Variants in CRPPA observed in about 807,000 individuals in gnomAD.
The protein encoded by CRPPA is D-ribitol-5-phosphate cytidylyltransferase.
A neutral mutation model predicts 52.0 loss-of-function variants in CRPPA; 43 were observed. The observed-to-expected ratio is 0.83, with a 90% CI of 0.65 to 1.07. CRPPA has a LOEUF of 1.07. Among genes scored for constraint, CRPPA ranks in the 50% least tolerant of loss-of-function variants. The pLI, the probability that CRPPA is intolerant of heterozygous loss-of-function variation, is 0.00. For synonymous variants in CRPPA, 250 were observed against 203.5 expected (o/e 1.23, Z -1.94); for missense variants, 629 against 551.7 (o/e 1.14, Z -1.40).
intron 8 of CRPPA, among the ~76,000 whole-genome samples, chr7:16,229,408 T>C (rs1001090763): frequency 1.4e-4 from 21 of 152,186 alleles, no homozygotes; most frequent in African/African-American, 5.1e-4. Flanking sequence ...TGTTATGTTT[T>C]TAATTTCTTG....
intron 1 of CRPPA, among the ~76,000 whole-genome samples, chr7:16,410,540 G>A (rs1426275797): frequency 1.3e-5 from 2 of 152,140 alleles, no homozygotes; most frequent in East Asian, 3.9e-4. Flanking sequence ...CCCCTCAGCT[G>A]TTTCCTCTTA....
intron 3 of CRPPA, among the ~76,000 whole-genome samples, chr7:16,361,247 G>T (rs891478164): frequency 6.6e-6 from 1 of 152,020 alleles, no homozygotes; most frequent in African/African-American, 2.4e-5. Flanking sequence ...TTGGAAACCC[G>T]TGTGAACTAC....
chr7:16,192,386 A>C (rs1781633643), intron 9 of CRPPA, among the ~76,000 whole-genome samples: 1 of 152,116 alleles, frequency 6.6e-6, no homozygotes, highest in Non-Finnish European at 1.5e-5. Flanking sequence ...TGCACAGATA[A>C]CATGCACAAT....
chr7:16,094,458 A>T (rs1781896207), intron 9 of CRPPA, among the ~76,000 whole-genome samples: 1 of 152,144 alleles, frequency 6.6e-6, no homozygotes, highest in Non-Finnish European at 1.5e-5. Context: ...AATGTATCTT[A>T]TAAAAGCACT....
intron 5 of CRPPA, among the ~76,000 whole-genome samples, chr7:16,281,194 C>T (rs73294882): frequency 0.043 from 6,511 of 152,158 alleles, 220 homozygotes; most frequent in East Asian, 0.15. Context: ...ACAAGCCTTC[C>T]AAATGAACAT....
At chr7:16,142,943 G>A (rs1171494058) in intron 9 of CRPPA, among the ~76,000 whole-genome samples, 1 of 152,080 alleles carries the variant, frequency 6.6e-6, no homozygotes, top group Non-Finnish European at 1.5e-5. Flanking sequence ...AATAAATCAA[G>A]AACAAAATAA....
At chr7:16,314,516 A>G (rs77854884) in intron 3 of CRPPA, among the ~76,000 whole-genome samples, 1 of 152,036 alleles carries the variant, frequency 6.6e-6, no homozygotes, top group African/African-American at 2.4e-5. Context: ...CCTCAACTGA[A>G]GTTTTTCCTT....
rs372182203 is a variant in CRPPA, at chr7:16,163,118, C to A, written c.1251+52948G>T. Among the ~76,000 whole-genome samples the A allele has an allele frequency of 4.0e-5, 6 of 151,798 alleles. No homozygotes were observed. In the South Asian group the frequency reaches 6.2e-4, roughly 16 times the overall value. ...CTTCCCAAGTAGCTGGGACTACAGG[C>A]GCCTGCCACCACACTCAGCTAATTT... On this transcript the variant is annotated intron_variant, in intron 9 of 9. Transcript: ENST00000407010.
intron 1 of CRPPA, among the ~76,000 whole-genome samples, chr7:16,416,213 G>T (rs896617872): frequency 6.6e-6 from 1 of 152,080 alleles, no homozygotes; most frequent in East Asian, 1.9e-4. Context: ...ACAGACCAAT[G>T]GAACAGAACA....
chr7:16,177,834 T>C (rs1464393049), intron 9 of CRPPA, among the ~76,000 whole-genome samples: 1 of 152,124 alleles, frequency 6.6e-6, no homozygotes, highest in Non-Finnish European at 1.5e-5. Flanking sequence ...TCTTCTTACA[T>C]AGGCCACCAA....
intron 2 of CRPPA, among the ~76,000 whole-genome samples, chr7:16,383,335 C>G (rs1787164179): frequency 6.6e-6 from 1 of 152,192 alleles, no homozygotes; most frequent in Admixed American, 6.5e-5. Flanking sequence ...ATGCTGCTGT[C>G]TGATCGTTCC....
chr7:16,284,341 A>C (rs914362162), intron 5 of CRPPA, among the ~76,000 whole-genome samples: 1 of 152,126 alleles, frequency 6.6e-6, no homozygotes, highest in Non-Finnish European at 1.5e-5. Context: ...TGTGTGTAAA[A>C]GACTACACTT....
chr7:16,419,451 A>G (rs1788275222), intron 1 of CRPPA, among the ~76,000 whole-genome samples: 1 of 152,158 alleles, frequency 6.6e-6, no homozygotes, highest in South Asian at 2.1e-4. Flanking sequence ...TCCCAAAAAG[A>G]CCCCTTTCTT....
intron 8 of CRPPA, among the ~76,000 whole-genome samples, chr7:16,242,234 T>C (rs1783136726): frequency 6.6e-6 from 1 of 151,998 alleles, no homozygotes; most frequent in South Asian, 2.1e-4. Context: ...GATTACAGGC[T>C]TGAGACACCG....
chr7:16,109,361 A>C (rs1053991981), intron 9 of CRPPA, among the ~76,000 whole-genome samples: 1 of 151,954 alleles, frequency 6.6e-6, no homozygotes, highest in East Asian at 1.9e-4. Flanking sequence ...TGAACCATGA[A>C]GAAACGGAAA....
At chr7:16,296,196 T>G (rs1423208758) in intron 5 of CRPPA, among the ~76,000 whole-genome samples, 1 of 152,160 alleles carries the variant, frequency 6.6e-6, no homozygotes, top group African/African-American at 2.4e-5. Context: ...TAAAATTACC[T>G]AAAAACATAA....
At chr7:16,177,343 G>C (rs1781323725) in intron 9 of CRPPA, among the ~76,000 whole-genome samples, 1 of 151,992 alleles carries the variant, frequency 6.6e-6, no homozygotes. Flanking sequence ...AACTGAAAAG[G>C]AATGAAGTAT....
chr7:16,362,880 G>T (rs968322456), intron 3 of CRPPA, among the ~76,000 whole-genome samples: 2 of 151,956 alleles, frequency 1.3e-5, no homozygotes, highest in Non-Finnish European at 2.9e-5. Flanking sequence ...CAGTTTTTCT[G>T]CTTTTGATAA....
At chr7:16,373,817 C>T (rs1363164039) in intron 3 of CRPPA, among the ~76,000 whole-genome samples, 1 of 152,150 alleles carries the variant, frequency 6.6e-6, no homozygotes, top group Non-Finnish European at 1.5e-5. Context: ...GGAGAAGAAG[C>T]AATCCAGCCA....
Sources: gnomAD v4.1 joint callset for allele counts (sites outside exome capture counted in the v4.1 genomes callset) on GRCh38, gnomAD v4.1.1 for gene constraint, MANE v1.5 for transcripts, NCBI Gene and HGNC (gene_info 2026-07-23, HGNC 2026-07-21) for gene names.